ZNF365: variants seen among roughly 807,000 people sequenced by gnomAD.
The protein encoded by ZNF365 is protein ZNF365.
ZNF365 carries 22 observed loss-of-function variants against 35.0 expected under a neutral mutation model. The observed-to-expected ratio is 0.63, with a 90% CI of 0.45 to 0.90. The LOEUF is 0.90. Ranked by LOEUF, ZNF365 falls within the 40% of genes least tolerant of loss-of-function variation. The probability of loss-of-function intolerance (pLI) is 0.00; values close to 1 mark genes in which losing one functional copy is unlikely to be tolerated. For synonymous variants in ZNF365, 188 were observed against 196.2 expected, an observed-to-expected ratio of 0.96 and a Z score of 0.35; for missense variants, 448 against 500.3, an observed-to-expected ratio of 0.90 and a Z score of 1.00.
intron 3 of ZNF365, among the ~76,000 whole-genome samples, chr10:62,395,504 A>ATTTTTTT (rs67866839): frequency 8.5e-4 from 84 of 98,414 alleles, no homozygotes; most frequent in South Asian, 1.5e-3. Flanking sequence ...CACCCGGCTA[A>ATTTTTTT]TTTTTTTTTT....
intron 3 of ZNF365, among the ~76,000 whole-genome samples, chr10:62,444,639 C>T (rs948118717): frequency 2.0e-5 from 3 of 152,140 alleles, no homozygotes; most frequent in Admixed American, 6.6e-5. Flanking sequence ...GAATTCTTTC[C>T]TGCATGGGCC....
intron 1 of ZNF365, among the ~76,000 whole-genome samples, chr10:62,374,734 A>G (rs1016920148): frequency 6.6e-5 from 10 of 152,212 alleles, no homozygotes; most frequent in Admixed American, 5.2e-4. Context: ...AGGGCTCTTC[A>G]TCAGCCCAGT....
chr10:62,404,131 A>G (rs1365197782), downstream of ZNF365, among the ~76,000 whole-genome samples: 2 of 152,210 alleles, frequency 1.3e-5, no homozygotes, highest in Non-Finnish European at 2.9e-5. Context: ...AGGATGGAAG[A>G]GTTTTTCCAG....
At position 62,376,163 on chromosome 10, in the gene ZNF365, C is replaced by T. The variant is rs764172760; in HGVS notation, c.-13-18C>T. The T allele has an allele frequency of 2.6e-5, 42 of 1,610,232 alleles. No individual in the cohort carries two copies. The Admixed American group carries it at 6.7e-4, about 26-fold the overall frequency. On this transcript the variant is annotated intron_variant, in intron 1 of 4. Transcript: ENST00000395254. ...GTTTTTCAGCCGACTTGTAAACTAC[C>T]TATTTCCCCCCTCCCAGGACTTTTA...
chr10:62,438,935 G>A (rs951162178), intron 3 of ZNF365, among the ~76,000 whole-genome samples: 3 of 152,158 alleles, frequency 2.0e-5, no homozygotes, highest in African/African-American at 7.2e-5. Context: ...TCACTAACTT[G>A]CAAGCATTTT....
At chr10:62,432,333 A>C (rs57972240) in intron 3 of ZNF365, among the ~76,000 whole-genome samples, 1 of 152,138 alleles carries the variant, frequency 6.6e-6, no homozygotes, top group Non-Finnish European at 1.5e-5. Context: ...CATTTTACTC[A>C]TGTGCTTCAG....
At chr10:62,439,425 C>A (rs1840459138) in intron 3 of ZNF365, among the ~76,000 whole-genome samples, 1 of 152,074 alleles carries the variant, frequency 6.6e-6, no homozygotes, top group South Asian at 2.1e-4. Context: ...CCTAACAATG[C>A]CTCCCTTTCC....
At chr10:62,435,149 A>G (rs756760740) in intron 3 of ZNF365, among the ~76,000 whole-genome samples, 3 of 152,210 alleles carry the variant, frequency 2.0e-5, no homozygotes, top group Non-Finnish European at 2.9e-5. Context: ...GAAAGATCTT[A>G]GTTTATAGGA....
At chr10:62,439,467 T>C (rs1231628383) in intron 3 of ZNF365, among the ~76,000 whole-genome samples, 3 of 152,142 alleles carry the variant, frequency 2.0e-5, no homozygotes, top group Admixed American at 2.0e-4. Context: ...ATGGGATGTG[T>C]AGCTCGGTTT....
intron 3 of ZNF365, among the ~76,000 whole-genome samples, chr10:62,419,037 G>A (rs1422096030): frequency 6.6e-6 from 1 of 151,848 alleles, no homozygotes; most frequent in Admixed American, 6.6e-5. Flanking sequence ...GAAATTTATT[G>A]CCAATATCAA....
chr10:62,434,118 G>A (rs889054525), intron 3 of ZNF365, among the ~76,000 whole-genome samples: 2 of 152,280 alleles, frequency 1.3e-5, no homozygotes, highest in East Asian at 3.9e-4. Context: ...AAACCTGTCG[G>A]AATCCGAATC....
At chr10:62,418,383 A>G (rs1247269188) in intron 3 of ZNF365, among the ~76,000 whole-genome samples, 2 of 152,132 alleles carry the variant, frequency 1.3e-5, no homozygotes, top group South Asian at 2.1e-4. Flanking sequence ...ATAGGAGGCC[A>G]TTGTGTGAAA....
At chr10:62,455,799 AT>A (rs1840753225) in intron 3 of ZNF365, among the ~76,000 whole-genome samples, 1 of 152,194 alleles carries the variant, frequency 6.6e-6, no homozygotes, top group African/African-American at 2.4e-5. Context: ...GTATTCTGCC[AT>A]TTTACTGATA....
intron 4 of ZNF365, among the ~76,000 whole-genome samples, chr10:62,471,871 A>G (rs1222904669): frequency 6.6e-6 from 1 of 152,230 alleles, no homozygotes; most frequent in Non-Finnish European, 1.5e-5. Flanking sequence ...AGGATACATT[A>G]TTTGGTTATA....
intron 4 of ZNF365, among the ~76,000 whole-genome samples, chr10:62,463,088 A>G (rs559539059): frequency 1.3e-5 from 2 of 152,368 alleles, no homozygotes; most frequent in African/African-American, 4.8e-5. Flanking sequence ...GTTAAAAAAC[A>G]AACATCAAAG....
chr10:62,456,873 A>G (rs142074453), intron 3 of ZNF365, among the ~76,000 whole-genome samples: 54 of 152,332 alleles, frequency 3.5e-4, no homozygotes, highest in Middle Eastern at 3.4e-3. Context: ...CTCAGTGATT[A>G]CAACAATAAG....
chr10:62,390,613 T>A lies in ZNF365; in HGVS notation c.924+2037T>A, dbSNP rs537322159. Among the ~76,000 whole-genome samples the A allele has an allele frequency of 1.3e-4, 20 of 152,370 alleles. No individual in the cohort carries two copies. The South Asian group carries it at 3.1e-3, about 24-fold the overall frequency. ...AGTTAGATATGTACATGCAAAATTATATCCAGTTGTGTCGCTTTACAATGT... is the reference window on the plus strand; with the variant it reads ...AGTTAGATATGTACATGCAAAATTAAATCCAGTTGTGTCGCTTTACAATGT... On this transcript the variant is annotated intron_variant, in intron 3 of 4. Transcript: ENST00000395254.
At chr10:62,478,878 G>A (rs1199748594) in intron 4 of ZNF365, among the ~76,000 whole-genome samples, 1 of 152,164 alleles carries the variant, frequency 6.6e-6, no homozygotes, top group African/African-American at 2.4e-5. Context: ...CCTGCCACAA[G>A]TGTCGTTTTT....
intron 3 of ZNF365, among the ~76,000 whole-genome samples, chr10:62,444,725 C>G (rs1429573258): frequency 2.6e-5 from 4 of 152,110 alleles, no homozygotes; most frequent in Admixed American, 2.6e-4. Context: ...TCCAGGGAAG[C>G]CTTCTTACCT....
Sources: allele counts gnomAD v4.1 joint callset (sites outside exome capture counted in the v4.1 genomes callset), GRCh38; gene constraint gnomAD v4.1.1; transcripts MANE v1.5; gene names NCBI Gene and HGNC (gene_info 2026-07-23, HGNC 2026-07-21).